Variants in ARHGEF10L observed in about 807,000 individuals in gnomAD.
The protein encoded by ARHGEF10L is Rho guanine nucleotide exchange factor 10 like, also known as rho guanine nucleotide exchange factor 10-like protein.
Under a neutral mutation model 141.2 loss-of-function variants are expected in ARHGEF10L, and 69 were observed. The ratio of observed to expected loss-of-function variants is 0.49; its 90% CI spans 0.40 to 0.60. ARHGEF10L has a LOEUF of 0.60. Among genes scored for constraint, ARHGEF10L ranks in the 20% least tolerant of loss-of-function variants. The pLI, the probability that ARHGEF10L is intolerant of heterozygous loss-of-function variation, is 0.00. For synonymous variants in ARHGEF10L, 711 were observed against 718.5 expected (o/e 0.99, Z 0.17); for missense variants, 1,482 against 1,734.3 (o/e 0.85, Z 2.58).
At chr1:17,663,867 G>T (rs1170285240) in intron 25 of ARHGEF10L, among the ~76,000 whole-genome samples, 1 of 152,198 alleles carries the variant, frequency 6.6e-6, no homozygotes, top group African/African-American at 2.4e-5. Flanking sequence ...CCGATTCCGG[G>T]TCCAGGACAC....
At chr1:17,622,883 C>A in intron 11 of ARHGEF10L, 113 bp from the exon 12 acceptor site, 1 of 1,142,130 alleles carries the variant, frequency 8.8e-7, no homozygotes, top group Non-Finnish European at 1.2e-6. Context: ...GGATGAGTGC[C>A]TCCCCTCCGT....
chr1:17,602,242 G>A (rs574684055), intron 5 of ARHGEF10L, 24 bp downstream of exon 5: 37 of 1,551,350 alleles, frequency 2.4e-5, no homozygotes, highest in South Asian at 1.2e-4. Flanking sequence ...CCGGCCCACC[G>A]CCCACCCCAG....
At chr1:17,676,763 A>G (rs2063750966) in intron 26 of ARHGEF10L, among the ~76,000 whole-genome samples, 1 of 151,896 alleles carries the variant, frequency 6.6e-6, no homozygotes, top group Admixed American at 6.5e-5. Flanking sequence ...CAGCCACTGG[A>G]CAGGTCCCAG....
In ARHGEF10L at chr1:17,573,721, G is replaced by A. The variant is rs2078103043; in HGVS notation, c.-43-6832G>A. ...AGCCCCCAGGGGTCCCCTCTGGCCT[G>A]GCCTCAGGGTCGGCTCCTTCCCACA... On this transcript the variant is annotated intron_variant, in intron 1 of 28. Coordinates refer to ENST00000361221, the MANE Select transcript of ARHGEF10L (RefSeq NM_018125.4). This position sits in a 1 kb window ranked among gnomAD's most constrained non-coding sequence, Gnocchi z 4.8. Among the ~76,000 whole-genome samples the A allele has an allele frequency of 6.6e-6, 1 of 151,960 alleles. No homozygotes were observed. Among genetic ancestry groups the A allele is most frequent in the African/African-American group, 2.4e-5 (1 of 41,382 alleles).
chr1:17,602,073 A>C, intron 4 of ARHGEF10L, 54 bp from the exon 5 acceptor site: 1 of 1,449,626 alleles, frequency 6.9e-7, no homozygotes, highest in Non-Finnish European at 9.2e-7. Flanking sequence ...GGGCTGCCAG[A>C]GGCTTCTGGG....
At chr1:17,584,620 G>A (rs936532885) in intron 2 of ARHGEF10L, among the ~76,000 whole-genome samples, 8 of 152,296 alleles carry the variant, frequency 5.3e-5, no homozygotes, top group African/African-American at 9.6e-5. Context: ...CTATGGCAGC[G>A]TGCAGTAGAG....
chr1:17,614,827 T>G (rs2059720769), intron 8 of ARHGEF10L, among the ~76,000 whole-genome samples: 1 of 152,162 alleles, frequency 6.6e-6, no homozygotes, highest in Non-Finnish European at 1.5e-5. Context: ...CCACCACCCC[T>G]GCTTCCCCAT....
chr1:17,642,928 G>A (rs1023593226), intron 21 of ARHGEF10L, among the ~76,000 whole-genome samples: 2 of 152,216 alleles, frequency 1.3e-5, no homozygotes, highest in Non-Finnish European at 2.9e-5. Context: ...TTTGCTGCAT[G>A]GGGCTTGGTG....
chr1:17,532,240 TCAGCTGAC>T, the ARHGEF10L span, among the ~76,000 whole-genome samples: 1 of 152,132 alleles, frequency 6.6e-6, no homozygotes, highest in Non-Finnish European at 1.5e-5. Context: ...CTGTCTGCTG[TCAGCTGAC>T]CAGCAACTCT....
At chr1:17,577,314 G>A (rs2078263546) in intron 1 of ARHGEF10L, among the ~76,000 whole-genome samples, 1 of 152,220 alleles carries the variant, frequency 6.6e-6, no homozygotes, top group Non-Finnish European at 1.5e-5. Context: ...CCAAAGTGCT[G>A]GGATTACAGG....
chr1:17,670,570 G>C (rs545647140), intron 26 of ARHGEF10L, among the ~76,000 whole-genome samples: 1 of 152,356 alleles, frequency 6.6e-6, no homozygotes, highest in South Asian at 2.1e-4. Context: ...GGCACATGAG[G>C]TGTGCTCGGC....
At chr1:17,578,998 C>G (rs1322907885) in intron 1 of ARHGEF10L, among the ~76,000 whole-genome samples, 1 of 151,910 alleles carries the variant, frequency 6.6e-6, no homozygotes, top group African/African-American at 2.4e-5. Context: ...TTAGGGCAAC[C>G]AGGGTGGGAG....
intron 26 of ARHGEF10L, among the ~76,000 whole-genome samples, chr1:17,680,183 G>C (rs111669412): frequency 1.5e-3 from 228 of 152,244 alleles, no homozygotes; most frequent in Admixed American, 3.3e-3. Context: ...CGCGCACAGT[G>C]CCCAGTCAGG....
intron 4 of ARHGEF10L, among the ~76,000 whole-genome samples, chr1:17,595,492 G>A (rs546619306): frequency 5.8e-4 from 88 of 152,210 alleles, no homozygotes; most frequent in African/African-American, 2.0e-3. Context: ...AGGCCTCGAC[G>A]CTCACTCCCT....
At chr1:17,630,890 C>G (rs964247608) in intron 15 of ARHGEF10L, among the ~76,000 whole-genome samples, 10 of 152,180 alleles carry the variant, frequency 6.6e-5, no homozygotes, top group Non-Finnish European at 8.8e-5. Context: ...GGTGATCTGT[C>G]CTTTTCTCTC....
chr1:17,697,711 T>C lies in ARHGEF10L; in HGVS notation c.*331T>C, dbSNP rs2065606842. ...CTCCAAGGCAGCCACACGCCCCTCC[T>C]GGAAGGGTGTGTGCGTGTGAGTGTG... On this transcript the variant is annotated 3_prime_UTR_variant, in exon 29 of 29. Coordinates refer to ENST00000361221, the MANE Select transcript of ARHGEF10L (RefSeq NM_018125.4). This position sits in a 1 kb window ranked among gnomAD's most constrained non-coding sequence, Gnocchi z 4.8. 1.9e-6 allele frequency: 1 copy of C among 518,710 alleles called. No individual in the cohort carries two copies. The allele number at this position is 518,710 out of a possible 1,614,324, so 32.1% of individuals were successfully genotyped here. A position where few individuals can be genotyped will look rare whatever the true frequency, so the allele number is the denominator to read the frequency against.
chr1:17,587,291 G>A (rs1011215504), intron 2 of ARHGEF10L, among the ~76,000 whole-genome samples, 169 bp from the exon 3 acceptor site: 28 of 151,880 alleles, frequency 1.8e-4, no homozygotes, highest in African/African-American at 6.3e-4. Context: ...CCCTCCCCCC[G>A]GCCTTACCAG....
At chr1:17,695,311 C>CTG (rs2065415115) in intron 28 of ARHGEF10L, 31 bp downstream of exon 28, 1 of 1,545,884 alleles carries the variant, frequency 6.5e-7, no homozygotes, top group African/African-American at 1.4e-5. Flanking sequence ...GTTGGCAGGA[C>CTG]CAGGGGGTCA....
rs1052133099 is a variant in ARHGEF10L at position 17,627,953 on chromosome 1, G to T, written c.1584+450G>T. 2.6e-5 allele frequency among the ~76,000 whole-genome samples: 4 copies of T among 152,112 alleles called. No individual in the cohort carries two copies. The highest frequency in any genetic ancestry group is 2.0e-4 in the Admixed American group (3 of 15,282). ...CGCAAAAGAGGGAGCTGGCAAAGTG[G>T]CTTCGTGATTGTCCTTAACACAAGA... is the stretch of plus-strand genomic sequence containing the variant. On this transcript the variant is annotated intron_variant, in intron 15 of 28. Transcript: ENST00000361221. The surrounding 1 kb of genome is among the most constrained non-coding windows in gnomAD (Gnocchi z 4.0).
Sources: allele counts gnomAD v4.1 joint callset (sites outside exome capture counted in the v4.1 genomes callset), GRCh38; gene constraint gnomAD v4.1.1; non-coding constraint Gnocchi (gnomAD v3.1); transcripts MANE v1.5; gene names NCBI Gene and HGNC (gene_info 2026-07-23, HGNC 2026-07-21).